The following WWOX variants were observed in gnomAD, a reference collection of about 807,000 sequenced individuals.
WWOX encodes WW domain containing oxidoreductase.
In WWOX, 69 loss-of-function variants were observed where a neutral mutation model predicts 46.2. The ratio of observed to expected loss-of-function variants is 1.49; its 90% CI spans 1.23 to 1.82. The LOEUF (loss-of-function observed/expected upper bound fraction) is 1.82. WWOX is among the 40% of genes most tolerant of loss of function. WWOX has a pLI of 0.00. For missense variants in WWOX, 919 were observed against 542.6 expected (o/e 1.69, Z -6.89); for synonymous variants, 359 against 202.6 (o/e 1.77, Z -6.56).
intron 8 of WWOX, among the ~76,000 whole-genome samples, chr16:78,523,339 C>A (rs1223859127): frequency 3.3e-5 from 5 of 152,180 alleles, no homozygotes; most frequent in Non-Finnish European, 7.3e-5. Context: ...CCTGCTGTAC[C>A]CAGCAAATGC....
intron 8 of WWOX, among the ~76,000 whole-genome samples, chr16:78,567,140 C>T (rs529454639): frequency 1.3e-5 from 2 of 152,200 alleles, no homozygotes; most frequent in Admixed American, 6.5e-5. Flanking sequence ...ATCACAAGCC[C>T]AACCCTGGTG....
intron 4 of WWOX, among the ~76,000 whole-genome samples, chr16:78,144,518 TATATA>T (rs372807899): frequency 0.014 from 519 of 36,596 alleles, 43 homozygotes; most frequent in Middle Eastern, 0.036. Flanking sequence ...TATATATATA[TATATA>T]TTTTTTTTTT....
intron 8 of WWOX, among the ~76,000 whole-genome samples, chr16:78,531,799 A>C (rs1450716336): frequency 6.6e-6 from 1 of 152,172 alleles, no homozygotes; most frequent in Non-Finnish European, 1.5e-5. Context: ...CAGAGGTTGT[A>C]GTGAGCCAAA....
chr16:78,276,644 G>C lies in WWOX; in HGVS notation c.517-110216G>C, dbSNP rs569018521. ...AAATTGGGATCGCATGGAGAAAATA[G>C]AAAGTCCAGTGTTTGTAGCTGTGAT... On this transcript the variant is annotated intron_variant, in intron 5 of 8. Coordinates refer to ENST00000566780, the MANE Select transcript of WWOX (RefSeq NM_016373.4). Among the ~76,000 whole-genome samples the C allele has an allele frequency of 1.6e-4, 24 of 152,320 alleles. 1 individual carries two copies. The highest frequency in any genetic ancestry group is 5.3e-4 in the African/African-American group (22 of 41,586).
At chr16:79,035,312 A>G (rs1597308581) in intron 8 of WWOX, among the ~76,000 whole-genome samples, 1 of 152,126 alleles carries the variant, frequency 6.6e-6, no homozygotes, top group Admixed American at 6.5e-5. Flanking sequence ...TTGATTTCCA[A>G]TGGGAGGCAA....
At chr16:78,689,683 C>G (rs898104813) in intron 8 of WWOX, among the ~76,000 whole-genome samples, 1 of 152,266 alleles carries the variant, frequency 6.6e-6, no homozygotes, top group Admixed American at 6.5e-5. Context: ...TCCACTGACC[C>G]TCCCACTCCC....
At chr16:78,457,165 T>A (rs938547390) in intron 8 of WWOX, among the ~76,000 whole-genome samples, 3 of 152,214 alleles carry the variant, frequency 2.0e-5, no homozygotes, top group Admixed American at 2.0e-4. Flanking sequence ...CTTTTTTGTT[T>A]TGTTTCTGTT....
chr16:78,544,190 A>T (rs1021145860), intron 8 of WWOX, among the ~76,000 whole-genome samples: 1 of 152,202 alleles, frequency 6.6e-6, no homozygotes, highest in African/African-American at 2.4e-5. Context: ...TTTGAGAGCA[A>T]ATATTTTGGT....
chr16:78,388,501 G>C (rs2082106804), intron 6 of WWOX, among the ~76,000 whole-genome samples: 1 of 151,978 alleles, frequency 6.6e-6, no homozygotes, highest in African/African-American at 2.4e-5. Context: ...CAAAAAATTA[G>C]CTGGGTGTAG....
At chr16:79,181,809 C>T (rs1023104809) in intron 8 of WWOX, among the ~76,000 whole-genome samples, 1 of 152,192 alleles carries the variant, frequency 6.6e-6, no homozygotes, top group Non-Finnish European at 1.5e-5. Flanking sequence ...AATCCCACTG[C>T]AGGTTTAGGC....
chr16:78,760,160 A>G (rs894320418), intron 8 of WWOX, among the ~76,000 whole-genome samples: 2 of 152,202 alleles, frequency 1.3e-5, no homozygotes, highest in Non-Finnish European at 2.9e-5. Flanking sequence ...CAAAAGGCAC[A>G]TCTCACACGG....
intron 6 of WWOX, among the ~76,000 whole-genome samples, chr16:78,401,229 C>T (rs930931711): frequency 1.3e-5 from 2 of 150,692 alleles, no homozygotes; most frequent in African/African-American, 4.8e-5. Context: ...TTTCTAATAC[C>T]ACTTTTTTCT....
chr16:78,105,866 A>G (rs1296874008), intron 1 of WWOX, among the ~76,000 whole-genome samples: 1 of 151,964 alleles, frequency 6.6e-6, no homozygotes, highest in Admixed American at 6.6e-5. Context: ...CAGTGGCGTG[A>G]TTTTGGCTCA....
chr16:79,038,614 A>G (rs1453598599), intron 8 of WWOX, among the ~76,000 whole-genome samples: 2 of 152,142 alleles, frequency 1.3e-5, no homozygotes, highest in Admixed American at 6.5e-5. Context: ...CAATGGTGCA[A>G]TCTCAGCTCA....
intron 1 of WWOX, among the ~76,000 whole-genome samples, chr16:78,105,629 C>G (rs1002619397): frequency 6.6e-6 from 1 of 151,960 alleles, no homozygotes; most frequent in Non-Finnish European, 1.5e-5. Flanking sequence ...TTTTGTAGTT[C>G]CTTTGGAAAG....
intron 8 of WWOX, among the ~76,000 whole-genome samples, chr16:79,023,434 G>T (rs1193717014): frequency 1.3e-5 from 2 of 152,084 alleles, no homozygotes; most frequent in Admixed American, 1.3e-4. Flanking sequence ...CAAAAGGATG[G>T]GGCTGACTGA....
chr16:79,146,914 T>C (rs1567581403), intron 8 of WWOX, among the ~76,000 whole-genome samples: 1 of 152,184 alleles, frequency 6.6e-6, no homozygotes, highest in Non-Finnish European at 1.5e-5. Flanking sequence ...TTCACTGATT[T>C]TTTAATTGAA....
intron 1 of WWOX, among the ~76,000 whole-genome samples, chr16:78,101,047 TC>T (rs930171033): frequency 5.4e-5 from 8 of 147,510 alleles, no homozygotes; most frequent in Non-Finnish European, 1.1e-4. Context: ...AGAGGGTTTT[TC>T]TTTTTTTTTT....
At chr16:79,003,059 C>G (rs112778220) in intron 8 of WWOX, among the ~76,000 whole-genome samples, 4 of 152,278 alleles carry the variant, frequency 2.6e-5, no homozygotes, top group African/African-American at 9.6e-5. Context: ...ATTTCAGGAG[C>G]AAGACAATTC....
Sources: allele counts gnomAD v4.1 joint callset (sites outside exome capture counted in the v4.1 genomes callset), GRCh38; gene constraint gnomAD v4.1.1; transcripts MANE v1.5; gene names NCBI Gene and HGNC (gene_info 2026-07-23, HGNC 2026-07-21).